The following RALYL variants were observed in gnomAD, a reference collection of about 807,000 sequenced individuals.
The protein encoded by RALYL is RALY RNA binding protein like, also known as RNA-binding Raly-like protein.
In RALYL, 29 loss-of-function variants were observed where a neutral mutation model predicts 35.1. The observed-to-expected ratio is 0.83, with a 90% CI of 0.61 to 1.13. The LOEUF is 1.13. RALYL is among the 50% of genes most tolerant of loss of function. The probability of loss-of-function intolerance (pLI) is 0.00; values close to 1 mark genes in which losing one functional copy is unlikely to be tolerated. For missense variants in RALYL, 359 were observed against 360.4 expected (o/e 1.00, Z 0.03); for synonymous variants, 120 against 127.6 (o/e 0.94, Z 0.40).
intron 2 of RALYL, among the ~76,000 whole-genome samples, chr8:84,632,920 A>T (rs1824235855): frequency 6.6e-6 from 1 of 151,916 alleles, no homozygotes; most frequent in South Asian, 2.1e-4. Context: ...ACATGACTTT[A>T]TAATGACTTC....
intron 8 of RALYL, chr8:84,906,863 C>A: frequency 2.9e-6 from 2 of 698,730 alleles, no homozygotes; most frequent in Non-Finnish European, 3.5e-6. Context: ...ACCGGCACAA[C>A]CATGCTGCAC....
At chr8:84,686,116 T>G (rs1218565724) in intron 2 of RALYL, among the ~76,000 whole-genome samples, 1 of 152,192 alleles carries the variant, frequency 6.6e-6, no homozygotes, top group Non-Finnish European at 1.5e-5. Context: ...TAAGTAACCT[T>G]AATTTTTTTC....
intron 2 of RALYL, among the ~76,000 whole-genome samples, chr8:84,680,473 A>C (rs1835211592): frequency 1.3e-5 from 2 of 152,162 alleles, no homozygotes; most frequent in African/African-American, 4.8e-5. Flanking sequence ...CAACAGTTTA[A>C]AAGTGTTCCT....
chr8:84,609,772 G>A (rs763002565), intron 2 of RALYL, among the ~76,000 whole-genome samples: 1 of 152,080 alleles, frequency 6.6e-6, no homozygotes, highest in African/African-American at 2.4e-5. Flanking sequence ...CTGTTCTCAT[G>A]TTGCTAATAA....
In RALYL at chr8:84,228,912, A is replaced by G. The variant is rs570967952; in HGVS notation, c.-24+44488A>G. On this transcript the variant is annotated intron_variant, in intron 1 of 8. Transcript: ENST00000521268. Reference sequence around the variant, plus strand: ...CGGTGGAAACTGTCCCCATGATACAATTATCTCCACTTGGTCCCACCCTTG... The same window carrying G: ...CGGTGGAAACTGTCCCCATGATACAGTTATCTCCACTTGGTCCCACCCTTG... Among the ~76,000 whole-genome samples, 9 of 152,236 alleles carry G rather than the reference A, an allele frequency of 5.9e-5. No homozygotes were observed. In the South Asian group the frequency reaches 8.3e-4, roughly 14 times the overall value.
chr8:84,654,905 T>G (rs1026759996), intron 2 of RALYL, among the ~76,000 whole-genome samples: 1 of 152,110 alleles, frequency 6.6e-6, no homozygotes, highest in Non-Finnish European at 1.5e-5. Context: ...AATACAGCTA[T>G]CTCTTCGATA....
In RALYL at chr8:84,567,554, G is replaced by A. The variant is rs532015367; in HGVS notation, c.256+37977G>A. On this transcript the variant is annotated intron_variant, in intron 2 of 8. Coordinates refer to ENST00000521268, the MANE Select transcript of RALYL (RefSeq NM_173848.7). The stretch of plus-strand genomic sequence containing the variant: ...CAATTTCATTTTTTATGGCTACATA[G>A]TATTCCTTGGTGTGTATATATACCA... Among the ~76,000 whole-genome samples, 3 of 151,860 alleles carry A rather than the reference G, an allele frequency of 2.0e-5. No individual in the cohort carries two copies. The South Asian group carries it at 6.2e-4, about 32-fold the overall frequency.
chr8:84,380,308 T>C (rs1015258161), intron 1 of RALYL, among the ~76,000 whole-genome samples: 13 of 151,894 alleles, frequency 8.6e-5, no homozygotes, highest in Non-Finnish European at 1.8e-4. Context: ...TGAAAAAATA[T>C]ATAATAGGCA....
chr8:84,778,682 G>A (rs1049802129), intron 3 of RALYL, among the ~76,000 whole-genome samples: 5 of 152,282 alleles, frequency 3.3e-5, no homozygotes, highest in East Asian at 3.9e-4. Context: ...GAAAACTGGG[G>A]CATTATGGTG....
At chr8:84,731,974 C>T (rs1267720732) in intron 2 of RALYL, among the ~76,000 whole-genome samples, 1 of 151,874 alleles carries the variant, frequency 6.6e-6, no homozygotes, top group Non-Finnish European at 1.5e-5. Flanking sequence ...CTCATCCCTA[C>T]CCTTCCCCCT....
chr8:84,372,898 T>TTTTG (rs1563809140), intron 1 of RALYL, among the ~76,000 whole-genome samples: 1 of 137,440 alleles, frequency 7.3e-6, no homozygotes, highest in Non-Finnish European at 1.6e-5. Context: ...TTTTTTTTTT[T>TTTTG]TTTTTTTTTT....
rs1455260139 is a variant in RALYL, at chr8:84,620,827, C to T, written c.256+91250C>T. The stretch of plus-strand genomic sequence containing the variant: ...TCCTTCTAACAGACAGGACCCTCAG[C>T]TGCAGGTCTGCTGGAGTACCCTGCC... On this transcript the variant is annotated intron_variant, in intron 2 of 8. Transcript: ENST00000521268. Among the ~76,000 whole-genome samples the T allele has an allele frequency of 2.6e-5, 4 of 152,264 alleles. No homozygotes were observed. The East Asian group carries it at 7.7e-4, about 29-fold the overall frequency.
chr8:84,584,851 C>T (rs1272025029), intron 2 of RALYL, among the ~76,000 whole-genome samples: 3 of 152,108 alleles, frequency 2.0e-5, no homozygotes. Flanking sequence ...ACTGCTAAAA[C>T]ATAACTTCTT....
chr8:84,520,339 A>G (rs1276719190), intron 1 of RALYL, among the ~76,000 whole-genome samples: 1 of 152,212 alleles, frequency 6.6e-6, no homozygotes, highest in East Asian at 1.9e-4. Flanking sequence ...GTTTGGTCAC[A>G]TTCCAGAGAA....
intron 1 of RALYL, among the ~76,000 whole-genome samples, chr8:84,291,293 T>C (rs1838731417): frequency 6.6e-6 from 1 of 152,198 alleles, no homozygotes; most frequent in Non-Finnish European, 1.5e-5. Flanking sequence ...AACACTGTTT[T>C]GTTTTTAGTT....
intron 6 of RALYL, among the ~76,000 whole-genome samples, chr8:84,871,531 C>A (rs1284915936): frequency 6.6e-6 from 1 of 152,062 alleles, no homozygotes; most frequent in African/African-American, 2.4e-5. Flanking sequence ...GGAATGAGTA[C>A]CACTCTTCAA....
chr8:84,207,822 A>G (rs554355208), intron 1 of RALYL, among the ~76,000 whole-genome samples: 2,703 of 80,636 alleles, frequency 0.034, 62 homozygotes, highest in African/African-American at 0.11. Context: ...GTGTGTGTGT[A>G]TATATATATA....
intron 1 of RALYL, among the ~76,000 whole-genome samples, chr8:84,452,518 T>A (rs1299529274): frequency 6.6e-6 from 1 of 151,884 alleles, no homozygotes; most frequent in Non-Finnish European, 1.5e-5. Flanking sequence ...ATCTCACTAG[T>A]AAAAAATAAA....
chr8:84,407,110 A>G (rs533392798), intron 1 of RALYL, among the ~76,000 whole-genome samples: 7 of 151,804 alleles, frequency 4.6e-5, no homozygotes, highest in Admixed American at 3.9e-4. Flanking sequence ...TGTGGTCTTG[A>G]ATGAGCTATT....
Sources: allele counts gnomAD v4.1 joint callset (sites outside exome capture counted in the v4.1 genomes callset), GRCh38; gene constraint gnomAD v4.1.1; transcripts MANE v1.5; gene names NCBI Gene and HGNC (gene_info 2026-07-23, HGNC 2026-07-21).